Variants in GNA12 observed in about 807,000 individuals in gnomAD.
GNA12 encodes guanine nucleotide-binding protein subunit alpha-12.
In GNA12, 9 loss-of-function variants were observed where a neutral mutation model predicts 26.0. The ratio of observed to expected loss-of-function variants is 0.35; its 90% CI spans 0.21 to 0.60. The LOEUF is 0.60. GNA12 is among the 20% of genes least tolerant of loss of function. The probability of loss-of-function intolerance (pLI) is 0.78; values close to 1 mark genes in which losing one functional copy is unlikely to be tolerated. For missense variants in GNA12, 405 were observed against 525.8 expected, an observed-to-expected ratio of 0.77 and a Z score of 2.25; for synonymous variants, 264 against 219.6, an observed-to-expected ratio of 1.20 and a Z score of -1.79.
Position 2,844,234 on chromosome 7 carries a change from C to CG in GNA12, c.-74dup. 1 of 749,670 alleles carries CG rather than the reference C, an allele frequency of 1.3e-6. No homozygotes were observed. The highest frequency in any genetic ancestry group is 1.6e-6 in the Non-Finnish European group (1 of 616,870). 46.4% of individuals were successfully genotyped at this position (749,670 alleles called of 1,614,324 possible). On this transcript the variant is annotated 5_prime_UTR_variant, in exon 1 of 4. Transcript: ENST00000275364. ...ACGCTCCCGCCGGCGAGGGCGAGCC[C>CG]GGGCCGAGGCACCGCCCCACGCCCC... is the stretch of plus-strand genomic sequence containing the variant.
At chr7:2,774,239 A>C (rs1451413738) in intron 2 of GNA12, among the ~76,000 whole-genome samples, 2 of 152,160 alleles carry the variant, frequency 1.3e-5, no homozygotes, top group Non-Finnish European at 2.9e-5. Flanking sequence ...ATTTCTATAC[A>C]TGTATATGCA....
At position 2,769,594 on chromosome 7, in the gene GNA12, G is replaced by C. The variant is rs577348169; in HGVS notation, c.525+25334C>G. Among the ~76,000 whole-genome samples the C allele has an allele frequency of 5.1e-3, 781 of 152,158 alleles. 7 individuals carry two copies. The highest frequency in any genetic ancestry group is 0.018 in the African/African-American group (736 of 41,518). On this transcript the variant is annotated intron_variant, in intron 2 of 3. Coordinates refer to ENST00000275364, the MANE Select transcript of GNA12 (RefSeq NM_007353.3). Reference sequence around the variant, plus strand: ...AAAAAATACAAAAAATTAGCCGGGCGTGGTGGCAGGCGCCTATAGTCCCAG... The same window carrying C: ...AAAAAATACAAAAAATTAGCCGGGCCTGGTGGCAGGCGCCTATAGTCCCAG...
At chr7:2,838,316 A>G (rs927434601) in intron 1 of GNA12, among the ~76,000 whole-genome samples, 5 of 151,726 alleles carry the variant, frequency 3.3e-5, no homozygotes, top group African/African-American at 1.2e-4. Context: ...AGGATCGCTC[A>G]TGCCTATAAT....
chr7:2,768,883 T>C (rs17300022), intron 2 of GNA12, among the ~76,000 whole-genome samples: 15,167 of 152,246 alleles, frequency 0.1, 958 homozygotes, highest in Middle Eastern at 0.19. Context: ...CTACTACACA[T>C]TGATTGTTTT....
At chr7:2,843,684 G>T (rs1779072597) in intron 1 of GNA12, among the ~76,000 whole-genome samples, 169 bp downstream of exon 1, 1 of 149,940 alleles carries the variant, frequency 6.7e-6, no homozygotes, top group Non-Finnish European at 1.5e-5. Flanking sequence ...GACGACGCCA[G>T]CAGGCCTCGG....
chr7:2,742,259 G>A (rs1032075078), intron 2 of GNA12, among the ~76,000 whole-genome samples: 2 of 151,990 alleles, frequency 1.3e-5, no homozygotes, highest in Non-Finnish European at 2.9e-5. Flanking sequence ...TAAGTGATCT[G>A]CCCGCCTCAG....
chr7:2,742,427 C>T lies in GNA12; in HGVS notation c.526-8926G>A, dbSNP rs574466234. 9.4e-4 allele frequency among the ~76,000 whole-genome samples: 143 copies of T among 152,294 alleles called. 1 individual carries two copies. The highest frequency in any genetic ancestry group is 1.6e-3 in the Non-Finnish European group (109 of 68,026). On this transcript the variant is annotated intron_variant, in intron 2 of 3. Transcript: ENST00000275364. ...AGATGATTTTCCAGTCAGTGCCACT[C>T]CATGCTTGCTGGTCTGTGAGTGACA...
chr7:2,759,216 A>G (rs1055476989), intron 2 of GNA12, among the ~76,000 whole-genome samples: 1 of 151,990 alleles, frequency 6.6e-6, no homozygotes, highest in Admixed American at 6.6e-5. Flanking sequence ...CCCATGATGG[A>G]TCTCAAAATA....
chr7:2,796,752 C>T (rs1478598496), intron 1 of GNA12, among the ~76,000 whole-genome samples: 1 of 152,168 alleles, frequency 6.6e-6, no homozygotes, highest in Non-Finnish European at 1.5e-5. Flanking sequence ...CCCCTTCTTA[C>T]CTCATCAACA....
intron 2 of GNA12, among the ~76,000 whole-genome samples, chr7:2,776,871 A>G (rs1027557398): frequency 1.3e-5 from 2 of 152,004 alleles, no homozygotes; most frequent in African/African-American, 4.8e-5. Flanking sequence ...GATCACTTGA[A>G]CCTGAAAGTT....
chr7:2,772,183 A>G (rs1791964961), intron 2 of GNA12, among the ~76,000 whole-genome samples: 1 of 152,266 alleles, frequency 6.6e-6, no homozygotes. Context: ...AATTCCCAAG[A>G]AAATGACCAA....
rs1792531203 is a variant in GNA12 at position 2,791,950 on chromosome 7, T to C, written c.525+2978A>G. 2.0e-5 allele frequency among the ~76,000 whole-genome samples: 3 copies of C among 152,204 alleles called. No individual in the cohort carries two copies. In the East Asian group the frequency reaches 5.8e-4, roughly 29 times the overall value. ...CCACCCAATAAACAAGAATTTCACA[T>C]CATCATCTCTGCATCTGATTATTAC... is the stretch of plus-strand genomic sequence containing the variant. On this transcript the variant is annotated intron_variant, in intron 2 of 3. Coordinates refer to ENST00000275364, the MANE Select transcript of GNA12 (RefSeq NM_007353.3).
At chr7:2,740,276 T>G (rs1054141944) in intron 2 of GNA12, among the ~76,000 whole-genome samples, 1 of 152,190 alleles carries the variant, frequency 6.6e-6, no homozygotes, top group Non-Finnish European at 1.5e-5. Context: ...GTGGAAGCCC[T>G]ACCTGCAGTG....
intron 1 of GNA12, among the ~76,000 whole-genome samples, chr7:2,804,289 C>T (rs1355653342): frequency 6.6e-6 from 1 of 152,216 alleles, no homozygotes; most frequent in African/African-American, 2.4e-5. Flanking sequence ...TGGTAACTAA[C>T]TGAATAGACT....
intron 2 of GNA12, among the ~76,000 whole-genome samples, chr7:2,787,110 C>A (rs559643213): frequency 6.6e-6 from 1 of 152,096 alleles, no homozygotes; most frequent in Non-Finnish European, 1.5e-5. Flanking sequence ...CAGAACACAA[C>A]AACCCTGGGG....
At chr7:2,774,037 G>T (rs1001974717) in intron 2 of GNA12, among the ~76,000 whole-genome samples, 2 of 152,212 alleles carry the variant, frequency 1.3e-5, no homozygotes, top group African/African-American at 4.8e-5. Context: ...GGCCACAGAT[G>T]AAGCAGCAAC....
chr7:2,839,567 A>G, intron 1 of GNA12, among the ~76,000 whole-genome samples: 1 of 152,088 alleles, frequency 6.6e-6, no homozygotes, highest in East Asian at 1.9e-4. Flanking sequence ...TATTTTTTGT[A>G]GAGATGGGGT....
intron 1 of GNA12, among the ~76,000 whole-genome samples, chr7:2,817,208 C>T (rs1387401301): frequency 1.3e-5 from 2 of 152,372 alleles, no homozygotes; most frequent in East Asian, 1.9e-4. Context: ...AGGGTTCAAG[C>T]GATTCTCCTG....
At chr7:2,793,013 G>A (rs78931058) in intron 2 of GNA12, among the ~76,000 whole-genome samples, 2,955 of 152,272 alleles carry the variant, frequency 0.019, 55 homozygotes, top group Middle Eastern at 0.075. Context: ...ACAATATCAC[G>A]CACTTCCTGA....
Sources: gnomAD v4.1 joint callset for allele counts (sites outside exome capture counted in the v4.1 genomes callset) on GRCh38, gnomAD v4.1.1 for gene constraint, MANE v1.5 for transcripts, NCBI Gene and HGNC (gene_info 2026-07-23, HGNC 2026-07-21) for gene names.